The following TENM4 variants were observed in gnomAD, a reference collection of about 807,000 sequenced individuals.
The protein encoded by TENM4 is teneurin transmembrane protein 4.
In TENM4, 82 loss-of-function variants were observed where a neutral mutation model predicts 243.3. The ratio of observed to expected loss-of-function variants is 0.34; its 90% CI spans 0.28 to 0.40. The LOEUF (loss-of-function observed/expected upper bound fraction) is 0.40. TENM4 is among the 10% of genes least tolerant of loss of function. The probability of loss-of-function intolerance (pLI) is 1.00; values close to 1 mark genes in which losing one functional copy is unlikely to be tolerated. For missense variants in TENM4, 3,138 were observed against 3,673.3 expected (o/e 0.85, Z 3.77); for synonymous variants, 1,412 against 1,456.3 (o/e 0.97, Z 0.69).
At chr11:78,905,054 A>G (rs866869200) in intron 6 of TENM4, among the ~76,000 whole-genome samples, 15 of 152,338 alleles carry the variant, frequency 9.8e-5, no homozygotes, top group Middle Eastern at 6.8e-3. Flanking sequence ...TCTCATCTGT[A>G]AAATAGGGGA....
At chr11:79,251,408 C>T (rs760710255) in intron 2 of TENM4, among the ~76,000 whole-genome samples, 4 of 152,328 alleles carry the variant, frequency 2.6e-5, no homozygotes, top group Admixed American at 6.5e-5. Context: ...TTATATCACC[C>T]GTGGGTTGCT....
chr11:78,784,459 A>G (rs975593591), intron 16 of TENM4, among the ~76,000 whole-genome samples: 1 of 152,144 alleles, frequency 6.6e-6, no homozygotes, highest in Non-Finnish European at 1.5e-5. Context: ...ACGGGCAGAG[A>G]CCCACAGAGA....
chr11:78,777,909 C>G (rs1378714636), intron 17 of TENM4, among the ~76,000 whole-genome samples: 1 of 152,172 alleles, frequency 6.6e-6, no homozygotes, highest in African/African-American at 2.4e-5. Context: ...TTTGGAAAAT[C>G]AGGTACCACC....
chr11:79,355,549 C>G (rs1438918625), intron 1 of TENM4, among the ~76,000 whole-genome samples: 1 of 99,900 alleles, frequency 1.0e-5, no homozygotes, highest in Non-Finnish European at 2.2e-5. Context: ...AACAAACAAA[C>G]AAAACAATTG....
At chr11:78,922,420 C>G (rs1392334455) in intron 6 of TENM4, among the ~76,000 whole-genome samples, 1 of 152,186 alleles carries the variant, frequency 6.6e-6, no homozygotes, top group Non-Finnish European at 1.5e-5. Context: ...TGTCTAAATA[C>G]TTCTTTAAAT....
intron 3 of TENM4, among the ~76,000 whole-genome samples, chr11:79,185,935 G>T (rs1863372830): frequency 6.6e-6 from 1 of 152,144 alleles, no homozygotes; most frequent in Non-Finnish European, 1.5e-5. Flanking sequence ...CCATTTCTGT[G>T]CCAGGGACAG....
At chr11:79,136,477 A>G (rs183083956) in intron 4 of TENM4, among the ~76,000 whole-genome samples, 1 of 152,142 alleles carries the variant, frequency 6.6e-6, no homozygotes, top group Non-Finnish European at 1.5e-5. Flanking sequence ...ACTCACCAAG[A>G]GTGGCTACAG....
chr11:79,050,441 C>G (rs2136935169), intron 6 of TENM4, among the ~76,000 whole-genome samples: 1 of 152,242 alleles, frequency 6.6e-6, no homozygotes, highest in Admixed American at 6.5e-5. Flanking sequence ...CTGGAGGCAC[C>G]TCACTTCTAA....
In TENM4 at chr11:79,217,195, G is replaced by C. The variant is rs77246491; in HGVS notation, c.-264-1286C>G. Among the ~76,000 whole-genome samples the C allele has an allele frequency of 4.5e-4, 68 of 152,300 alleles. 1 individual carries two copies. In the South Asian group the frequency reaches 0.012, roughly 28 times the overall value. Reference sequence around the variant, plus strand: ...TCTACCCTACTCAAAAGAAGGGTAAGGGGGAGGTGCTAAGGTTTTAGGTCA... The same window carrying C: ...TCTACCCTACTCAAAAGAAGGGTAACGGGGAGGTGCTAAGGTTTTAGGTCA... On this transcript the variant is annotated intron_variant, in intron 2 of 33. Coordinates refer to ENST00000278550, the MANE Select transcript of TENM4 (RefSeq NM_001098816.3).
intron 6 of TENM4, among the ~76,000 whole-genome samples, chr11:78,941,449 C>T (rs1374994549): frequency 2.0e-5 from 3 of 151,998 alleles, no homozygotes; most frequent in Admixed American, 6.6e-5. Context: ...TTTGGCCAAG[C>T]TGCCGAGGGA....
At chr11:79,003,044 A>G (rs1331747286) in intron 6 of TENM4, among the ~76,000 whole-genome samples, 1 of 152,228 alleles carries the variant, frequency 6.6e-6, no homozygotes, top group African/African-American at 2.4e-5. Context: ...AGAATTAACC[A>G]AGCTGAGAAA....
intron 32 of TENM4, among the ~76,000 whole-genome samples, chr11:78,665,868 G>A (rs921052842): frequency 1.3e-5 from 2 of 152,128 alleles, no homozygotes; most frequent in Admixed American, 6.5e-5. Flanking sequence ...CCTTTCTGGA[G>A]TATTAGTGTA....
chr11:78,708,649 C>T, intron 26 of TENM4, 134 bp from the exon 27 acceptor site: 3 of 1,081,252 alleles, frequency 2.8e-6, no homozygotes, highest in East Asian at 2.6e-5. Context: ...CTTCATTCCT[C>T]TCTCAAAGAG....
At chr11:79,144,116 A>G (rs534453624) in intron 4 of TENM4, among the ~76,000 whole-genome samples, 16 of 152,200 alleles carry the variant, frequency 1.1e-4, no homozygotes, top group Middle Eastern at 3.4e-3. Context: ...AAAAAATATA[A>G]TAATTTGATT....
At chr11:79,375,323 T>C (rs1443338050) in intron 1 of TENM4, among the ~76,000 whole-genome samples, 1 of 152,192 alleles carries the variant, frequency 6.6e-6, no homozygotes, top group Non-Finnish European at 1.5e-5. Flanking sequence ...AAGAAAAAAG[T>C]AGGACAAAAA....
intron 6 of TENM4, among the ~76,000 whole-genome samples, chr11:78,978,432 T>C (rs1391647521): frequency 1.3e-5 from 2 of 152,178 alleles, no homozygotes; most frequent in East Asian, 3.9e-4. Context: ...ATTTAGTCCT[T>C]GCAACACTTT....
chr11:78,897,455 C>T (rs563328495), intron 7 of TENM4, among the ~76,000 whole-genome samples: 20 of 152,292 alleles, frequency 1.3e-4, no homozygotes, highest in Admixed American at 1.3e-3. Flanking sequence ...CAACACCCAC[C>T]TTATGGAATA....
intron 25 of TENM4, among the ~76,000 whole-genome samples, chr11:78,718,639 A>C (rs964123332): frequency 1.3e-5 from 2 of 152,188 alleles, no homozygotes; most frequent in African/African-American, 2.4e-5. Flanking sequence ...CAAGACCTGC[A>C]TGTGAAATGT....
chr11:78,825,420 T>A (rs1857828870), intron 12 of TENM4, among the ~76,000 whole-genome samples: 1 of 152,258 alleles, frequency 6.6e-6, no homozygotes, highest in African/African-American at 2.4e-5. Context: ...ATCTGAAAGC[T>A]TGTTAAAACA....
Sources: gnomAD v4.1 joint callset for allele counts (sites outside exome capture counted in the v4.1 genomes callset) on GRCh38, gnomAD v4.1.1 for gene constraint, MANE v1.5 for transcripts, NCBI Gene and HGNC (gene_info 2026-07-23, HGNC 2026-07-21) for gene names.